The following SLC24A2 variants were observed in gnomAD, a reference collection of about 807,000 sequenced individuals.
SLC24A2 encodes solute carrier family 24 member 2.
SLC24A2 carries 36 observed loss-of-function variants against 62.0 expected under a neutral mutation model. The observed-to-expected ratio is 0.58, with a 90% confidence interval of 0.44 to 0.77. The LOEUF (loss-of-function observed/expected upper bound fraction) is 0.77. Ranked by LOEUF, SLC24A2 falls within the 30% of genes least tolerant of loss-of-function variation. The pLI, the probability that SLC24A2 is intolerant of heterozygous loss-of-function variation, is 0.00. For synonymous variants in SLC24A2, 358 were observed against 294.0 expected, an observed-to-expected ratio of 1.22 and a Z score of -2.23; for missense variants, 846 against 817.9, an observed-to-expected ratio of 1.03 and a Z score of -0.42.
At chr9:19,518,756 T>G (rs532646717) in intron 10 of SLC24A2, among the ~76,000 whole-genome samples, 1 of 152,270 alleles carries the variant, frequency 6.6e-6, no homozygotes, top group South Asian at 2.1e-4. Context: ...GAGTATATGT[T>G]AATTTTAGAA....
At chr9:19,939,166 T>G in the SLC24A2 span, among the ~76,000 whole-genome samples, 16 of 152,354 alleles carry the variant, frequency 1.1e-4, no homozygotes, top group African/African-American at 3.6e-4. Flanking sequence ...TATCCTGGTG[T>G]TCTGGAATGA....
At chr9:20,172,423 A>T in the SLC24A2 span, among the ~76,000 whole-genome samples, 1 of 152,082 alleles carries the variant, frequency 6.6e-6, no homozygotes, top group Non-Finnish European at 1.5e-5. Context: ...TAGTTCTTTG[A>T]AAAGATAGAT....
chr9:19,862,642 G>A, the SLC24A2 span, among the ~76,000 whole-genome samples: 608 of 152,066 alleles, frequency 4.0e-3, 3 homozygotes, highest in African/African-American at 0.014. Flanking sequence ...TCAAGACATA[G>A]TACAATAAGA....
At chr9:19,554,301 G>T (rs1270791519) in intron 7 of SLC24A2, among the ~76,000 whole-genome samples, 1 of 152,178 alleles carries the variant, frequency 6.6e-6, no homozygotes, top group Non-Finnish European at 1.5e-5. Context: ...TCAACAAAAA[G>T]TGATACAAAT....
the SLC24A2 span, among the ~76,000 whole-genome samples, chr9:20,170,753 C>A: frequency 2.0e-5 from 3 of 151,936 alleles, no homozygotes; most frequent in African/African-American, 7.3e-5. Flanking sequence ...ATCAGTGTTC[C>A]TGAGGAAGAA....
rs114556759 is a variant in SLC24A2, at chr9:19,507,737, C to A, written c.*8416G>T. On this transcript the variant is annotated 3_prime_UTR_variant, in exon 11 of 11. Transcript: ENST00000341998. ...GTATCTCATCATCCAGTGAAAATTACGCATAATAAACACAACACATACAAA... is the reference window on the plus strand; with the variant it reads ...GTATCTCATCATCCAGTGAAAATTAAGCATAATAAACACAACACATACAAA... 1.3e-5 allele frequency: 2 copies of A among 152,114 alleles called. No homozygotes were observed. Among genetic ancestry groups the A allele is most frequent in the Non-Finnish European group, 2.9e-5 (2 of 68,030 alleles). 9.4% of individuals were successfully genotyped at this position (152,114 alleles called of 1,614,324 possible). A position where few individuals can be genotyped will look rare whatever the true frequency, so the allele number is the denominator to read the frequency against.
chr9:19,529,471 T>C (rs1023305043), intron 8 of SLC24A2, among the ~76,000 whole-genome samples: 13 of 152,206 alleles, frequency 8.5e-5, no homozygotes, highest in Admixed American at 7.2e-4. Flanking sequence ...TGTTAAATTT[T>C]ACCCCATACA....
chr9:20,164,337 C>A, the SLC24A2 span, among the ~76,000 whole-genome samples: 1 of 152,092 alleles, frequency 6.6e-6, no homozygotes, highest in Admixed American at 6.6e-5. Flanking sequence ...TGAACAGACA[C>A]TTCTCAAAAG....
chr9:19,828,492 C>A, the SLC24A2 span, among the ~76,000 whole-genome samples: 66 of 152,052 alleles, frequency 4.3e-4, no homozygotes, highest in African/African-American at 1.5e-3. Flanking sequence ...ACCAAAAGAA[C>A]CTGAATATGA....
the SLC24A2 span, among the ~76,000 whole-genome samples, chr9:19,867,557 G>C: frequency 6.6e-6 from 1 of 151,922 alleles, no homozygotes; most frequent in African/African-American, 2.4e-5. Context: ...TTGGTAATTT[G>C]GTCCTTCCTC....
At chr9:19,600,987 G>T (rs1175174925) in intron 4 of SLC24A2, among the ~76,000 whole-genome samples, 15 of 152,106 alleles carry the variant, frequency 9.9e-5, no homozygotes, top group Admixed American at 9.2e-4. Flanking sequence ...GGACTTCCTG[G>T]GTCTAGTGGG....
the SLC24A2 span, among the ~76,000 whole-genome samples, chr9:20,068,765 G>A: frequency 2.0e-3 from 307 of 152,278 alleles, 1 homozygote; most frequent in African/African-American, 7.0e-3. Flanking sequence ...AAAGGAGGTA[G>A]CAATGGCCAT....
chr9:19,860,428 A>G, the SLC24A2 span, among the ~76,000 whole-genome samples: 1 of 152,052 alleles, frequency 6.6e-6, no homozygotes, highest in African/African-American at 2.4e-5. Context: ...GCCTCTGACT[A>G]ACCAGCAGTG....
chr9:20,035,060 A>G, the SLC24A2 span, among the ~76,000 whole-genome samples: 1 of 152,158 alleles, frequency 6.6e-6, no homozygotes, highest in African/African-American at 2.4e-5. Flanking sequence ...GTACCATATT[A>G]TTATACTTAC....
the SLC24A2 span, among the ~76,000 whole-genome samples, chr9:20,011,580 A>C: frequency 6.6e-6 from 1 of 152,182 alleles, no homozygotes; most frequent in African/African-American, 2.4e-5. Flanking sequence ...CCATCAAGAA[A>C]ACTAACATTT....
chr9:20,054,265 C>T, the SLC24A2 span, among the ~76,000 whole-genome samples: 1 of 151,962 alleles, frequency 6.6e-6, no homozygotes, highest in African/African-American at 2.4e-5. Context: ...GATCTTGGCT[C>T]ACTGCAACCT....
chr9:20,233,538 A>T, the SLC24A2 span, among the ~76,000 whole-genome samples: 1 of 152,166 alleles, frequency 6.6e-6, no homozygotes, highest in Non-Finnish European at 1.5e-5. Flanking sequence ...ATCAGAGACT[A>T]GGATTGCAAC....
the SLC24A2 span, among the ~76,000 whole-genome samples, chr9:19,946,656 C>A: frequency 6.6e-6 from 1 of 152,224 alleles, no homozygotes; most frequent in Non-Finnish European, 1.5e-5. Context: ...CCTGCCTATA[C>A]CAGCAGATGC....
chr9:19,615,170 CA>C (rs2117852653), intron 4 of SLC24A2, among the ~76,000 whole-genome samples: 4 of 152,322 alleles, frequency 2.6e-5, no homozygotes, highest in African/African-American at 9.6e-5. Flanking sequence ...ACAGATGAGA[CA>C]AAGGGGAATG....
Sources: gnomAD v4.1 joint callset for allele counts (sites outside exome capture counted in the v4.1 genomes callset) on GRCh38, gnomAD v4.1.1 for gene constraint, MANE v1.5 for transcripts, NCBI Gene and HGNC (gene_info 2026-07-23, HGNC 2026-07-21) for gene names.